The following ELF1 variants were observed in gnomAD, a reference collection of about 807,000 sequenced individuals.
ELF1 encodes the protein E74 like ETS transcription factor 1, also known as ETS-related transcription factor Elf-1.
A neutral mutation model predicts 59.9 loss-of-function variants in ELF1; 24 were observed. The ratio of observed to expected loss-of-function variants is 0.40; its 90% CI spans 0.29 to 0.56. The LOEUF is 0.56. Ranked by LOEUF, ELF1 falls within the 20% of genes least tolerant of loss-of-function variation. The pLI, the probability that ELF1 is intolerant of heterozygous loss-of-function variation, is 0.44. For missense variants in ELF1, 627 were observed against 742.2 expected, an observed-to-expected ratio of 0.84 and a Z score of 1.80; for synonymous variants, 248 against 266.2, an observed-to-expected ratio of 0.93 and a Z score of 0.67.
chr13:40,938,680 G>C (rs548662367), intron 8 of ELF1, among the ~76,000 whole-genome samples: 1 of 152,022 alleles, frequency 6.6e-6, no homozygotes, highest in Non-Finnish European at 1.5e-5. Context: ...GAAGTACAAA[G>C]AGTGCTCTGT....
intron 8 of ELF1, among the ~76,000 whole-genome samples, chr13:40,937,314 A>G (rs1869847004): frequency 6.6e-6 from 1 of 152,236 alleles, no homozygotes; most frequent in Non-Finnish European, 1.5e-5. Context: ...TATAACATTT[A>G]GCATTTGTTG....
chr13:41,060,771 G>C (rs1050197489), intron 1 of ELF1: 1 of 167,548 alleles, frequency 6.0e-6, no homozygotes, highest in African/African-American at 2.4e-5. Context: ...GGGCCACCTG[G>C]GTGAAAACCA....
chr13:40,933,441 TC>T lies in ELF1; in HGVS notation c.1843del (p.Glu615AsnfsTer7), dbSNP rs867050001. On this transcript the variant is annotated frameshift_variant, in exon 9 of 9. Transcript: ENST00000239882. LOFTEE classifies it high-confidence loss of function. ...QVAMKQNELL[E>X]PNSF ...GTATATTAACTAAAAAGAGTTGGGT[TC>T]CAGCAGTTCGTTTTGTTTCATAGCT... 1 of 1,612,866 alleles carries T rather than the reference TC, an allele frequency of 6.2e-7. No homozygotes were observed. Among genetic ancestry groups the T allele is most frequent in the Non-Finnish European group, 8.5e-7 (1 of 1,179,392 alleles).
intron 1 of ELF1, among the ~76,000 whole-genome samples, chr13:41,028,469 G>A (rs1166246107): frequency 6.6e-6 from 1 of 152,208 alleles, no homozygotes; most frequent in Admixed American, 6.5e-5. Flanking sequence ...ACCACGACCA[G>A]CTAAGGCGTT....
At chr13:40,993,401 G>A (rs1652099050) in intron 1 of ELF1, 1 of 767,018 alleles carries the variant, frequency 1.3e-6, no homozygotes, top group South Asian at 1.6e-5. Flanking sequence ...TCTGGGGGGA[G>A]CGGGGCTGGG....
At chr13:41,043,966 T>C (rs1876733399) in intron 1 of ELF1, among the ~76,000 whole-genome samples, 1 of 152,228 alleles carries the variant, frequency 6.6e-6, no homozygotes, top group African/African-American at 2.4e-5. Context: ...TGTCCTCTTT[T>C]ATTTCATTGA....
intron 4 of ELF1, 51 bp from the exon 5 acceptor site, chr13:40,950,024 A>G: frequency 7.0e-7 from 1 of 1,436,496 alleles, no homozygotes; most frequent in Non-Finnish European, 9.3e-7. Context: ...TTATAAGTTA[A>G]AAAACGATTG....
chr13:40,985,571 T>A (rs1330999759), intron 1 of ELF1, among the ~76,000 whole-genome samples: 2 of 152,308 alleles, frequency 1.3e-5, no homozygotes, highest in East Asian at 3.9e-4. Flanking sequence ...AAAAAATTTT[T>A]AAAATCTCCA....
chr13:40,947,816 C>G (rs1342712524), intron 5 of ELF1, among the ~76,000 whole-genome samples: 1 of 152,108 alleles, frequency 6.6e-6, no homozygotes, highest in Non-Finnish European at 1.5e-5. Flanking sequence ...ACTAGGAAAC[C>G]CTAGGATTAG....
chr13:40,951,212 T>C (rs1870824528), intron 4 of ELF1, 117 bp downstream of exon 4: 1 of 804,516 alleles, frequency 1.2e-6, no homozygotes. Flanking sequence ...TACCTTAAAA[T>C]GTGATTGTAA....
chr13:41,004,448 C>T (rs927340910), intron 1 of ELF1, among the ~76,000 whole-genome samples: 1 of 152,042 alleles, frequency 6.6e-6, no homozygotes, highest in Admixed American at 6.6e-5. Flanking sequence ...TGAAAACAAA[C>T]CTTTTCCCTA....
intron 3 of ELF1, among the ~76,000 whole-genome samples, chr13:40,956,174 G>C (rs1306243369): frequency 6.6e-6 from 1 of 151,170 alleles, no homozygotes; most frequent in Admixed American, 6.6e-5. Context: ...GATGGTTGCC[G>C]TGTCTGTGTA....
intron 1 of ELF1, among the ~76,000 whole-genome samples, chr13:41,008,543 G>A (rs931715663): frequency 2.6e-5 from 4 of 151,572 alleles, no homozygotes; most frequent in African/African-American, 9.7e-5. Flanking sequence ...AATGACTCAC[G>A]CATGATGTTA....
intron 2 of ELF1, among the ~76,000 whole-genome samples, chr13:40,965,133 T>C (rs1872097378): frequency 6.6e-6 from 1 of 152,260 alleles, no homozygotes; most frequent in African/African-American, 2.4e-5. Context: ...TGTTTCTAAA[T>C]TGAGATTGGA....
chr13:40,973,665 G>A (rs1272502754), intron 2 of ELF1, among the ~76,000 whole-genome samples: 1 of 151,362 alleles, frequency 6.6e-6, no homozygotes, highest in African/African-American at 2.4e-5. Context: ...TACCCAGGAA[G>A]GCTATTCTAG....
chr13:40,967,494 T>C (rs1368946183), intron 2 of ELF1, among the ~76,000 whole-genome samples: 2 of 152,202 alleles, frequency 1.3e-5, no homozygotes, highest in African/African-American at 4.8e-5. Flanking sequence ...AAGCAATAAA[T>C]AAAATGTTTT....
chr13:41,060,489 G>A lies in ELF1; in HGVS notation c.-229+349C>T, dbSNP rs188393372. ...CCCAGGGGAAAGTGAAACTCCCTCA[G>A]GGCCCACCAGCCCCGTGAGCCGGAG... On this transcript the variant is annotated intron_variant, in intron 1 of 1. Transcript: ENST00000405737. 1.9e-3 allele frequency among the ~76,000 whole-genome samples: 286 copies of A among 152,234 alleles called. 1 individual carries two copies. Among genetic ancestry groups the A allele is most frequent in the African/African-American group, 6.6e-3 (276 of 41,536 alleles).
intron 1 of ELF1, among the ~76,000 whole-genome samples, chr13:41,034,076 C>T (rs73176944): frequency 4.6e-5 from 7 of 152,102 alleles, no homozygotes; most frequent in Non-Finnish European, 1.0e-4. Flanking sequence ...TTTAAAAAAC[C>T]TCCAAGAGCC....
intron 3 of ELF1, among the ~76,000 whole-genome samples, chr13:40,957,118 C>T (rs1304240807): frequency 2.9e-5 from 3 of 105,174 alleles, no homozygotes; most frequent in African/African-American, 8.0e-5. Flanking sequence ...GACTGTATTT[C>T]GTTTTGAGTC....
Sources: allele counts gnomAD v4.1 joint callset (sites outside exome capture counted in the v4.1 genomes callset), GRCh38; gene constraint gnomAD v4.1.1; transcripts MANE v1.5; gene names NCBI Gene and HGNC (gene_info 2026-07-23, HGNC 2026-07-21).